The following LRP12 variants were observed in gnomAD, a reference collection of about 807,000 sequenced individuals.
LRP12 encodes the protein low-density lipoprotein receptor-related protein 12.
LRP12 carries 14 observed loss-of-function variants against 66.0 expected under a neutral mutation model. The ratio of observed to expected loss-of-function variants is 0.21; its 90% CI spans 0.14 to 0.33. LRP12 has a LOEUF of 0.33. LRP12 is among the 10% of genes least tolerant of loss of function. The pLI is 1.00. For missense variants in LRP12, 889 were observed against 1,053.4 expected (o/e 0.84, Z 2.16); for synonymous variants, 357 against 359.1 (o/e 0.99, Z 0.07).
At chr8:104,515,354 G>A (rs1345870507) in intron 2 of LRP12, among the ~76,000 whole-genome samples, 1 of 152,088 alleles carries the variant, frequency 6.6e-6, no homozygotes, top group Non-Finnish European at 1.5e-5. Flanking sequence ...TCAGTACAAT[G>A]CAAAATTATG....
At chr8:104,547,131 G>A in intron 1 of LRP12, among the ~76,000 whole-genome samples, 1 of 141,128 alleles carries the variant, frequency 7.1e-6, no homozygotes, top group East Asian at 2.0e-4. Flanking sequence ...ATCATACTTT[G>A]TATATAATAT....
intron 2 of LRP12, among the ~76,000 whole-genome samples, chr8:104,531,300 G>A (rs1328525621): frequency 6.6e-6 from 1 of 152,004 alleles, no homozygotes; most frequent in African/African-American, 2.4e-5. Context: ...ACGGAGCTGT[G>A]GAAGTGGCCT....
intron 1 of LRP12, among the ~76,000 whole-genome samples, chr8:104,554,225 C>A (rs1380099573): frequency 6.6e-6 from 1 of 152,090 alleles, no homozygotes; most frequent in Non-Finnish European, 1.5e-5. Context: ...TTCTTTAACA[C>A]CCCCAAAAGA....
chr8:104,548,663 T>TCATTA (rs1811678214), intron 1 of LRP12, among the ~76,000 whole-genome samples: 1 of 139,258 alleles, frequency 7.2e-6, no homozygotes, highest in Non-Finnish European at 1.5e-5. Flanking sequence ...AATTATTATA[T>TCATTA]AATTAATATG....
chr8:104,523,104 G>A (rs1811175566), intron 2 of LRP12, among the ~76,000 whole-genome samples: 1 of 152,074 alleles, frequency 6.6e-6, no homozygotes, highest in African/African-American at 2.4e-5. Flanking sequence ...AAAAAGGCTA[G>A]ATATACAGTT....
chr8:104,552,593 T>A (rs970885882), intron 1 of LRP12, among the ~76,000 whole-genome samples: 1 of 152,142 alleles, frequency 6.6e-6, no homozygotes, highest in African/African-American at 2.4e-5. Flanking sequence ...ACCTACTCTT[T>A]CATGGAACCT....
intron 1 of LRP12, among the ~76,000 whole-genome samples, chr8:104,552,635 T>C (rs1267826869): frequency 6.6e-6 from 1 of 152,188 alleles, no homozygotes; most frequent in Non-Finnish European, 1.5e-5. Context: ...ACCTGTCAGC[T>C]TGGCATTTTT....
At chr8:104,587,094 C>T (rs1812344958) in intron 1 of LRP12, among the ~76,000 whole-genome samples, 1 of 152,174 alleles carries the variant, frequency 6.6e-6, no homozygotes, top group Admixed American at 6.5e-5. Context: ...CCTCTTATCC[C>T]TCGAGGCAAA....
intron 1 of LRP12, among the ~76,000 whole-genome samples, chr8:104,564,756 C>A (rs1811970406): frequency 6.6e-6 from 1 of 151,730 alleles, no homozygotes; most frequent in Non-Finnish European, 1.5e-5. Flanking sequence ...CACGGTGAAA[C>A]CCTATCTCTA....
intron 1 of LRP12, among the ~76,000 whole-genome samples, chr8:104,574,582 A>T (rs561483148): frequency 6.6e-6 from 1 of 152,178 alleles, no homozygotes; most frequent in African/African-American, 2.4e-5. Flanking sequence ...GCCACAGGAC[A>T]TGTTTACATA....
chr8:104,556,884 A>G (rs567287757), intron 1 of LRP12, among the ~76,000 whole-genome samples: 1 of 152,316 alleles, frequency 6.6e-6, no homozygotes, highest in Admixed American at 6.5e-5. Flanking sequence ...AGCTAACCAA[A>G]TCCAATAGCA....
Position 104,588,987 on chromosome 8 carries a change from G to GCCGCCGCCGCCGCCGCCT in LRP12, c.-91_-90insAGGCGGCGGCGGCGGCGG. ...CGACGCCGACGCCGCCGCCGCCGCC[G>GCCGCCGCCGCCGCCGCCT]CCGCCGCCGCCGAGCCACCGGCTGC... On this transcript the variant is annotated 5_prime_UTR_variant, in exon 1 of 7. Coordinates refer to ENST00000276654, the MANE Select transcript of LRP12 (RefSeq NM_013437.5). The GCCGCCGCCGCCGCCGCCT allele has an allele frequency of 1.2e-6, 1 of 859,728 alleles. No individual in the cohort carries two copies. Among genetic ancestry groups the GCCGCCGCCGCCGCCGCCT allele is most frequent in the Non-Finnish European group, 1.7e-6 (1 of 573,746 alleles). The allele number at this position is 859,728 out of a possible 1,614,324, so 53.3% of individuals were successfully genotyped here.
chr8:104,580,373 A>T (rs1588512199), intron 1 of LRP12, among the ~76,000 whole-genome samples: 1 of 151,310 alleles, frequency 6.6e-6, no homozygotes, highest in South Asian at 2.1e-4. Flanking sequence ...AAAAAAAAAA[A>T]AAAAAAATTA....
At chr8:104,556,259 A>G (rs979269716) in intron 1 of LRP12, among the ~76,000 whole-genome samples, 1 of 152,162 alleles carries the variant, frequency 6.6e-6, no homozygotes, top group Non-Finnish European at 1.5e-5. Flanking sequence ...CTAGAGAAAC[A>G]AGAACAAACC....
At chr8:104,501,709 A>G (rs890933305) in intron 3 of LRP12, among the ~76,000 whole-genome samples, 1 of 152,138 alleles carries the variant, frequency 6.6e-6, no homozygotes, top group Admixed American at 6.6e-5. Context: ...ACCTCAAAAA[A>G]AAAAAAAAAA....
intron 3 of LRP12, chr8:104,505,232 CT>C (rs761746429): frequency 6.6e-6 from 1 of 151,778 alleles, no homozygotes; most frequent in Non-Finnish European, 1.5e-5. Flanking sequence ...CTTGCCCAGG[CT>C]GGTGTCGAAT....
At chr8:104,570,847 A>AG (rs1223205005) in intron 1 of LRP12, among the ~76,000 whole-genome samples, 1 of 152,170 alleles carries the variant, frequency 6.6e-6, no homozygotes. Flanking sequence ...ACAGATTCAG[A>AG]GGGGGGAAAA....
chr8:104,540,357 T>C (rs764233186), intron 1 of LRP12, among the ~76,000 whole-genome samples: 1 of 152,164 alleles, frequency 6.6e-6, no homozygotes, highest in African/African-American at 2.4e-5. Context: ...TGTGGTATTG[T>C]TATGGTAGTC....
At chr8:104,513,542 G>A (rs1811028192) in intron 2 of LRP12, among the ~76,000 whole-genome samples, 1 of 152,080 alleles carries the variant, frequency 6.6e-6, no homozygotes, top group Non-Finnish European at 1.5e-5. Context: ...AACCATGCTA[G>A]CAGGAAAAGG....
Sources: gnomAD v4.1 joint callset for allele counts (sites outside exome capture counted in the v4.1 genomes callset) on GRCh38, gnomAD v4.1.1 for gene constraint, MANE v1.5 for transcripts, NCBI Gene and HGNC (gene_info 2026-07-23, HGNC 2026-07-21) for gene names.